Variants in VPS53 observed in about 807,000 individuals in gnomAD.
VPS53 encodes the protein VPS53 subunit of GARP complex.
VPS53 carries 70 observed loss-of-function variants against 107.0 expected under a neutral mutation model. The observed-to-expected ratio is 0.65, with a 90% confidence interval of 0.54 to 0.80. The LOEUF is 0.80. Among genes scored for constraint, VPS53 ranks in the 30% least tolerant of loss-of-function variants. VPS53 has a pLI of 0.00. For synonymous variants in VPS53, 409 were observed against 393.3 expected (o/e 1.04, Z -0.47); for missense variants, 917 against 1,049.4 (o/e 0.87, Z 1.74).
intron 5 of VPS53, among the ~76,000 whole-genome samples, chr17:659,128 T>C (rs1387783367): frequency 1.3e-5 from 2 of 151,940 alleles, no homozygotes; most frequent in Admixed American, 1.3e-4. Flanking sequence ...TCAGGAGTGG[T>C]ATAATAAATT....
At chr17:567,090 T>C (rs376231745) in intron 13 of VPS53, among the ~76,000 whole-genome samples, 5 of 152,198 alleles carry the variant, frequency 3.3e-5, no homozygotes, top group African/African-American at 1.2e-4. Context: ...CAGCCAACTC[T>C]GATGTGATTC....
rs565633531 is a variant in VPS53 at position 550,260 on chromosome 17, A to G, written c.1866+1612T>C. ...GGAGGAGTTAGGTCTGTCTGACTCT[A>G]AAGTTAGTGTTCCTCCCACTGCCCT... On this transcript the variant is annotated intron_variant, in intron 17 of 21. Transcript: ENST00000437048. 2.6e-5 allele frequency among the ~76,000 whole-genome samples: 4 copies of G among 152,330 alleles called. No homozygotes were observed. The East Asian group carries it at 7.7e-4, about 29-fold the overall frequency.
At chr17:698,895 C>T (rs888224843) in intron 3 of VPS53, among the ~76,000 whole-genome samples, 3 of 151,960 alleles carry the variant, frequency 2.0e-5, no homozygotes, top group African/African-American at 4.8e-5. Context: ...TGGCCGGGTG[C>T]GGTGGCTCAC....
At chr17:641,541 C>A (rs1168662636) in intron 7 of VPS53, among the ~76,000 whole-genome samples, 1 of 152,228 alleles carries the variant, frequency 6.6e-6, no homozygotes, top group Non-Finnish European at 1.5e-5. Flanking sequence ...CAGCCTCAAC[C>A]TCCCAGGGTT....
rs1310406208 is a variant in VPS53, at chr17:511,982, T to C, written c.*7146A>G. On this transcript the variant is annotated 3_prime_UTR_variant, in exon 22 of 22. Transcript: ENST00000437048. Reference sequence around the variant, plus strand: ...ACCAGCCCCAGGAGGGAGGAAGCTCTCTTCTCAGTGTCTGCAGGTTTATCC... The same window carrying C: ...ACCAGCCCCAGGAGGGAGGAAGCTCCCTTCTCAGTGTCTGCAGGTTTATCC... 6.6e-6 allele frequency: 1 copy of C among 152,222 alleles called. No individual in the cohort carries two copies. The highest frequency in any genetic ancestry group is 1.5e-5 in the Non-Finnish European group (1 of 68,040). 9.4% of individuals were successfully genotyped at this position (152,222 alleles called of 1,614,324 possible).
intron 12 of VPS53, chr17:599,946 GA>G (rs1317838436): frequency 6.6e-6 from 1 of 152,098 alleles, no homozygotes; most frequent in Non-Finnish European, 1.5e-5. Flanking sequence ...ATAACCTACT[GA>G]AGGTCACATG....
chr17:644,009 C>T (rs930591564), intron 7 of VPS53, among the ~76,000 whole-genome samples: 9 of 152,270 alleles, frequency 5.9e-5, no homozygotes, highest in East Asian at 3.9e-4. Context: ...AATATATTTT[C>T]GTTCAAGAGT....
chr17:656,049 A>C lies in VPS53; in HGVS notation c.373-96T>G, dbSNP rs150044174. 3,678 of 880,006 alleles carry C rather than the reference A, an allele frequency of 4.2e-3. 31 individuals carry two copies. In the Middle Eastern group the frequency reaches 0.063, roughly 15 times the overall value. The allele number at this position is 880,006 out of a possible 1,614,324, so 54.5% of individuals were successfully genotyped here. A position where few individuals can be genotyped will look rare whatever the true frequency, so the allele number is the denominator to read the frequency against. On this transcript the variant is annotated intron_variant, in intron 5 of 21. Transcript: ENST00000437048. ...CTCTGTAAGAAACGAATGCAGATGAAGCAGGGAAAAATCTCAGGTTAGCAA... is the reference window on the plus strand; with the variant it reads ...CTCTGTAAGAAACGAATGCAGATGACGCAGGGAAAAATCTCAGGTTAGCAA...
chr17:568,695 A>T (rs1375259949), intron 13 of VPS53, among the ~76,000 whole-genome samples: 3 of 152,224 alleles, frequency 2.0e-5, no homozygotes, highest in African/African-American at 7.2e-5. Flanking sequence ...GGTTACATAC[A>T]GGCAAACTGA....
At chr17:694,584 C>T (rs1456750383) in intron 4 of VPS53, among the ~76,000 whole-genome samples, 1 of 152,198 alleles carries the variant, frequency 6.6e-6, no homozygotes, top group African/African-American at 2.4e-5. Flanking sequence ...AGCAGTGTTA[C>T]TATTCCCAGT....
In VPS53 at chr17:612,407, T is replaced by C. The variant is rs1968929933; in HGVS notation, c.1117-10511A>G. Among the ~76,000 whole-genome samples, 2 of 130,974 alleles carry C rather than the reference T, an allele frequency of 1.5e-5. 1 individual carries two copies. Among genetic ancestry groups the C allele is most frequent in the Non-Finnish European group, 3.3e-5 (2 of 60,954 alleles). The allele number at this position is 130,974 out of a possible 152,430, so 85.9% of individuals were successfully genotyped here. On this transcript the variant is annotated intron_variant, in intron 11 of 21. Coordinates refer to ENST00000437048, the MANE Select transcript of VPS53 (RefSeq NM_001128159.3). ...ACAGATATTCACAGCAGTATTCAAA[T>C]AGTGAATTCACACAGTGAAAACCTG...
At position 640,940 on chromosome 17, in the gene VPS53, C is replaced by T. The variant is rs528728464; in HGVS notation, c.609-9312G>A. Among the ~76,000 whole-genome samples the T allele has an allele frequency of 3.0e-4, 46 of 152,250 alleles. No individual in the cohort carries two copies. The South Asian group carries it at 9.1e-3, about 30-fold the overall frequency. On this transcript the variant is annotated intron_variant, in intron 7 of 21. Transcript: ENST00000437048. ...GATAATCTCGGCTCACTGCAACCTCCGCCTCCTGGGTTGAAGGGATTCTCC... is the reference window on the plus strand; with the variant it reads ...GATAATCTCGGCTCACTGCAACCTCTGCCTCCTGGGTTGAAGGGATTCTCC...
intron 7 of VPS53, among the ~76,000 whole-genome samples, chr17:643,484 T>C (rs556294655): frequency 8.0e-5 from 12 of 150,250 alleles, no homozygotes; most frequent in South Asian, 2.1e-4. Flanking sequence ...ACAACACTCA[T>C]ACTTGGAAAT....
intron 1 of VPS53, among the ~76,000 whole-genome samples, chr17:713,561 G>A (rs1173923446): frequency 6.6e-6 from 1 of 152,054 alleles, no homozygotes; most frequent in Non-Finnish European, 1.5e-5. Flanking sequence ...GCTGAGGCAG[G>A]AGAATCACTT....
chr17:529,050 G>A (rs1909328474), intron 19 of VPS53, among the ~76,000 whole-genome samples: 1 of 152,046 alleles, frequency 6.6e-6, no homozygotes, highest in Non-Finnish European at 1.5e-5. Context: ...AATCCTCTTT[G>A]GAATTGATTT....
intron 10 of VPS53, 98 bp from the exon 11 acceptor site, chr17:623,772 T>C (rs1969570804): frequency 3.9e-6 from 5 of 1,285,902 alleles, no homozygotes; most frequent in Non-Finnish European, 5.2e-6. Flanking sequence ...AAAAAAAAAA[T>C]GTATGTGGTC....
chr17:651,160 C>G (rs987723785), intron 7 of VPS53, among the ~76,000 whole-genome samples: 1 of 152,002 alleles, frequency 6.6e-6, no homozygotes, highest in Admixed American at 6.6e-5. Context: ...AAATCCGGAG[C>G]GATAGCCATT....
chr17:614,435 T>C (rs1045601458), intron 11 of VPS53, among the ~76,000 whole-genome samples: 4 of 152,214 alleles, frequency 2.6e-5, no homozygotes, highest in African/African-American at 9.7e-5. Context: ...ATTTCCAAAT[T>C]TTCTATCCTG....
Position 600,851 on chromosome 17 carries a change from A to C in VPS53, c.1218+944T>G, listed in dbSNP as rs192062345. ...ACATAAAGCATGTAAAAGAATTTAAAAGTGCAAAGGACTATAAAAGTGTGA... is the reference window on the plus strand; with the variant it reads ...ACATAAAGCATGTAAAAGAATTTAACAGTGCAAAGGACTATAAAAGTGTGA... On this transcript the variant is annotated intron_variant, in intron 12 of 21. Transcript: ENST00000437048. 2.3e-4 allele frequency: 35 copies of C among 152,388 alleles called. 1 individual carries two copies. The highest frequency in any genetic ancestry group is 6.5e-4 in the African/African-American group (27 of 41,584). The allele number at this position is 152,388 out of a possible 1,614,324, so 9.4% of individuals were successfully genotyped here. A position where few individuals can be genotyped will look rare whatever the true frequency, so the allele number is the denominator to read the frequency against.
Sources: allele counts gnomAD v4.1 joint callset (sites outside exome capture counted in the v4.1 genomes callset), GRCh38; gene constraint gnomAD v4.1.1; transcripts MANE v1.5; gene names NCBI Gene and HGNC (gene_info 2026-07-23, HGNC 2026-07-21).